PALS2: variants seen among roughly 807,000 people sequenced by gnomAD.
The protein encoded by PALS2 is protein associated with LIN7 2, MAGUK p55 family member.
Under a neutral mutation model 61.6 loss-of-function variants are expected in PALS2, and 27 were observed. The ratio of observed to expected loss-of-function variants is 0.44; its 90% CI spans 0.32 to 0.60. The LOEUF (loss-of-function observed/expected upper bound fraction) is 0.60. PALS2 is among the 20% of genes least tolerant of loss of function. The pLI is 0.05. For synonymous variants in PALS2, 236 were observed against 218.6 expected (o/e 1.08, Z -0.70); for missense variants, 554 against 639.4 (o/e 0.87, Z 1.44).
At chr7:24,670,684 G>C (rs545301183) in intron 9 of PALS2, among the ~76,000 whole-genome samples, 1 of 152,108 alleles carries the variant, frequency 6.6e-6, no homozygotes, top group South Asian at 2.1e-4. Flanking sequence ...AAGAATCTCT[G>C]TACCCATTTC....
chr7:24,671,766 G>C (rs1787308805), intron 9 of PALS2, among the ~76,000 whole-genome samples: 1 of 152,032 alleles, frequency 6.6e-6, no homozygotes, highest in Admixed American at 6.6e-5. Flanking sequence ...CACTTATCCA[G>C]TTGTCACAAC....
chr7:24,663,688 G>C lies in PALS2; in HGVS notation c.750G>C (p.Gln250His), dbSNP rs199927855. The change falls in exon 6 of 12, where the codon CAG becomes CAC. Residue 250 changes from glutamine to histidine, a missense_variant. Transcript: ENST00000222644. ...GLKFSKGEIL[Q>H]IVNREDPNWW... ...AGTTTTCCAAAGGAGAGATTCTTCA[G>C]ATTGTAAATAGAGAAGATCCAAATT... The C allele has an allele frequency of 4.3e-6, 7 of 1,610,162 alleles. No individual in the cohort carries two copies. The highest frequency in any genetic ancestry group is 1.1e-5 in the South Asian group (1 of 90,930).
At chr7:24,671,519 G>T (rs1787295407) in intron 9 of PALS2, among the ~76,000 whole-genome samples, 1 of 152,070 alleles carries the variant, frequency 6.6e-6, no homozygotes, top group Middle Eastern at 3.2e-3. Context: ...ATATACAAAA[G>T]TTTTTCATTT....
At chr7:24,675,873 G>A (rs1268929750) in intron 9 of PALS2, among the ~76,000 whole-genome samples, 1 of 128,912 alleles carries the variant, frequency 7.8e-6, no homozygotes, top group East Asian at 2.4e-4. Flanking sequence ...TGTCTTTATA[G>A]TAGCATGATT....
At chr7:24,579,976 A>T (rs886587151) in intron 1 of PALS2, among the ~76,000 whole-genome samples, 1 of 152,128 alleles carries the variant, frequency 6.6e-6, no homozygotes. Context: ...GATATGTGGG[A>T]CTTTTAAAGA....
At chr7:24,632,945 G>A (rs756355119) in intron 2 of PALS2, among the ~76,000 whole-genome samples, 9 of 151,542 alleles carry the variant, frequency 5.9e-5, no homozygotes, top group Non-Finnish European at 8.8e-5. Flanking sequence ...TGCAGTATAC[G>A]TTTGCAATCT....
chr7:24,686,454 C>T (rs1246252905), intron 11 of PALS2, among the ~76,000 whole-genome samples: 1 of 152,178 alleles, frequency 6.6e-6, no homozygotes, highest in Non-Finnish European at 1.5e-5. Flanking sequence ...CGTTTCCTTC[C>T]TCTGGATTTT....
At position 24,690,057 on chromosome 7, in the gene PALS2, A is replaced by G. The variant is rs1255718789; in HGVS notation, c.*2443A>G. 4 of 152,240 alleles carry G rather than the reference A, an allele frequency of 2.6e-5. No individual in the cohort carries two copies. The East Asian group carries it at 7.7e-4, about 29-fold the overall frequency. The allele number at this position is 152,240 out of a possible 1,614,324, so 9.4% of individuals were successfully genotyped here. A position where few individuals can be genotyped will look rare whatever the true frequency, so the allele number is the denominator to read the frequency against. On this transcript the variant is annotated 3_prime_UTR_variant, in exon 12 of 12. Transcript: ENST00000222644. ...CTTAAAGGAATTATTTCTATTATAA[A>G]TGGTATTCATGATTGACTACTTAAT...
Position 24,649,600 on chromosome 7 carries a change from G to C in PALS2, c.271-12G>C. ...ATCATAAATAACCACAGGCTATTTT[G>C]ACTCCTTATAGTCACTGTTGGAGGC... On this transcript the variant is annotated splice_polypyrimidine_tract_variant and intron_variant, in intron 3 of 11. Coordinates refer to ENST00000222644, the MANE Select transcript of PALS2 (RefSeq NM_001303037.2). The C allele has an allele frequency of 6.5e-7, 1 of 1,539,846 alleles. No homozygotes were observed. The highest frequency in any genetic ancestry group is 8.7e-7 in the Non-Finnish European group (1 of 1,146,406).
intron 2 of PALS2, among the ~76,000 whole-genome samples, chr7:24,626,236 C>T (rs1277627859): frequency 6.6e-6 from 1 of 151,540 alleles, no homozygotes; most frequent in Non-Finnish European, 1.5e-5. Flanking sequence ...AGACTAGACA[C>T]AACAGAAGAG....
At chr7:24,598,849 C>T (rs748401316) in intron 1 of PALS2, among the ~76,000 whole-genome samples, 10 of 152,154 alleles carry the variant, frequency 6.6e-5, no homozygotes, top group Non-Finnish European at 1.3e-4. Flanking sequence ...GACTGGGAGA[C>T]ATTATGCCTT....
chr7:24,673,271 G>T (rs115831310), intron 9 of PALS2, among the ~76,000 whole-genome samples: 1,901 of 152,092 alleles, frequency 0.012, 57 homozygotes, highest in African/African-American at 0.043. Context: ...ATGATGTGCC[G>T]TCTTTTTTTG....
At chr7:24,647,830 C>G (rs954110645) in intron 3 of PALS2, among the ~76,000 whole-genome samples, 1 of 152,068 alleles carries the variant, frequency 6.6e-6, no homozygotes, top group Non-Finnish European at 1.5e-5. Flanking sequence ...TTTACAATCC[C>G]TACTTTTGAT....
chr7:24,650,956 C>T (rs1477913282), intron 5 of PALS2, among the ~76,000 whole-genome samples: 1 of 152,108 alleles, frequency 6.6e-6, no homozygotes, highest in East Asian at 1.9e-4. Flanking sequence ...TAGTAACCTA[C>T]AGCTAGGTAT....
intron 3 of PALS2, among the ~76,000 whole-genome samples, chr7:24,643,957 T>C (rs1188551686): frequency 6.6e-6 from 1 of 152,140 alleles, no homozygotes. Flanking sequence ...GGTGATGGCC[T>C]AATCCTTTCT....
intron 1 of PALS2, among the ~76,000 whole-genome samples, chr7:24,599,078 G>A (rs995063922): frequency 6.6e-6 from 1 of 152,160 alleles, no homozygotes; most frequent in Non-Finnish European, 1.5e-5. Context: ...TCTGAGAAAT[G>A]CATCATTGGG....
chr7:24,580,870 A>G (rs949566134), intron 1 of PALS2, among the ~76,000 whole-genome samples: 5 of 152,200 alleles, frequency 3.3e-5, no homozygotes, highest in African/African-American at 4.8e-5. Context: ...TTCAAGGTCT[A>G]TGTTAAATGC....
intron 2 of PALS2, among the ~76,000 whole-genome samples, chr7:24,626,431 T>G (rs779703029): frequency 1.1e-4 from 17 of 152,176 alleles, no homozygotes; most frequent in Non-Finnish European, 2.1e-4. Context: ...ACTTTTGCAT[T>G]TCACTTTATT....
At chr7:24,675,028 T>C (rs1289443700) in intron 9 of PALS2, among the ~76,000 whole-genome samples, 1 of 152,220 alleles carries the variant, frequency 6.6e-6, no homozygotes, top group African/African-American at 2.4e-5. Context: ...CAAACCTTCA[T>C]GTTCTAATTT....
Sources: gnomAD v4.1 joint callset for allele counts (sites outside exome capture counted in the v4.1 genomes callset) on GRCh38, gnomAD v4.1.1 for gene constraint, MANE v1.5 for transcripts, NCBI Gene and HGNC (gene_info 2026-07-23, HGNC 2026-07-21) for gene names.